The following KDM4B variants were observed in gnomAD, a reference collection of about 807,000 sequenced individuals.
KDM4B encodes lysine-specific demethylase 4B.
In KDM4B, 32 loss-of-function variants were observed where a neutral mutation model predicts 125.2. That is an observed-to-expected ratio of 0.26 (90% confidence interval 0.19 to 0.34). The LOEUF (loss-of-function observed/expected upper bound fraction) is 0.34. KDM4B is among the 10% of genes least tolerant of loss of function. The probability of loss-of-function intolerance (pLI) is 1.00; values close to 1 mark genes in which losing one functional copy is unlikely to be tolerated. For synonymous variants in KDM4B, 721 were observed against 677.9 expected (o/e 1.06, Z -0.99); for missense variants, 1,190 against 1,577.7 (o/e 0.75, Z 4.16).
chr19:5,049,737 T>C (rs1248430523), intron 6 of KDM4B, among the ~76,000 whole-genome samples: 1 of 152,108 alleles, frequency 6.6e-6, no homozygotes, highest in African/African-American at 2.4e-5. Context: ...CAACGTCTAC[T>C]ACGGGCTATC....
Position 5,110,820 on chromosome 19 carries a change from T to G in KDM4B, c.1115+2T>G. On this transcript the variant is annotated splice_donor_variant, in intron 10 of 22. Coordinates refer to ENST00000159111, the MANE Select transcript of KDM4B (RefSeq NM_015015.3). LOFTEE classifies it high-confidence loss of function. ...GCTGAAGGCCAAGCTCCTCCGCAGG[T>G]GAGTTGCCAAGGGACTGCCGCGTGA... 6.4e-7 allele frequency: 1 copy of G among 1,569,514 alleles called. No individual in the cohort carries two copies. The highest frequency in any genetic ancestry group is 8.6e-7 in the Non-Finnish European group (1 of 1,158,624).
Position 5,035,889 on chromosome 19 carries a change from G to GTA in KDM4B, c.141+2858_141+2859insTA, listed in dbSNP as rs1470353515. 9.6e-4 allele frequency among the ~76,000 whole-genome samples: 135 copies of GTA among 140,600 alleles called. No homozygotes were observed. Among genetic ancestry groups the GTA allele is most frequent in the Non-Finnish European group, 1.7e-3 (109 of 63,752 alleles). The allele number at this position is 140,600 out of a possible 152,430, so 92.2% of individuals were successfully genotyped here. A position where few individuals can be genotyped will look rare whatever the true frequency, so the allele number is the denominator to read the frequency against. On this transcript the variant is annotated intron_variant, in intron 3 of 22. Transcript: ENST00000159111. This position sits in a 1 kb window ranked among gnomAD's most constrained non-coding sequence, Gnocchi z 5.3. ...TGTGTGTGTGTGTGTGTGCGCGCGC[G>GTA]CGCGCGCCTGCGCGCACAGGAGACT...
chr19:4,975,996 T>C (rs2034431166), intron 1 of KDM4B, among the ~76,000 whole-genome samples: 1 of 146,778 alleles, frequency 6.8e-6, no homozygotes, highest in Non-Finnish European at 1.5e-5. Context: ...ACGCCTGTAA[T>C]CCCAGCACTT....
At chr19:4,980,954 G>A (rs917949192) in intron 1 of KDM4B, among the ~76,000 whole-genome samples, 2 of 151,994 alleles carry the variant, frequency 1.3e-5, no homozygotes, top group African/African-American at 4.8e-5. Context: ...GGCTGGGGTG[G>A]GCGGGGTCAG....
chr19:5,019,666 TGGCGTGG>T (rs2036026519), intron 2 of KDM4B, among the ~76,000 whole-genome samples: 1 of 144,672 alleles, frequency 6.9e-6, no homozygotes, highest in Non-Finnish European at 1.5e-5. Flanking sequence ...GTGCAGGTGT[TGGCGTGG>T]ATGTTGGTGT....
intron 18 of KDM4B, among the ~76,000 whole-genome samples, chr19:5,139,602 G>A (rs1406359681): frequency 1.3e-5 from 2 of 152,210 alleles, no homozygotes; most frequent in African/African-American, 4.8e-5. Context: ...TGACTTTTTT[G>A]TAGCAGCCGC....
chr19:5,043,746 G>GCA (rs2036920403), intron 5 of KDM4B, among the ~76,000 whole-genome samples: 2 of 145,702 alleles, frequency 1.4e-5, no homozygotes, highest in Non-Finnish European at 3.0e-5. Context: ...TCGGAGTGGG[G>GCA]GTGTCCACTG....
intron 21 of KDM4B, among the ~76,000 whole-genome samples, chr19:5,145,287 T>C (rs891612174): frequency 2.0e-5 from 3 of 151,490 alleles, no homozygotes; most frequent in Admixed American, 6.6e-5. Context: ...TATTTAAAAG[T>C]GTGGAATCTT....
intron 1 of KDM4B, among the ~76,000 whole-genome samples, chr19:4,973,838 A>C (rs1040387062): frequency 4.6e-5 from 7 of 151,860 alleles, no homozygotes; most frequent in Admixed American, 6.6e-5. Context: ...AAAAAAAAAA[A>C]AAAAAAACTG....
At chr19:5,091,733 G>T (rs1299354444) in intron 9 of KDM4B, among the ~76,000 whole-genome samples, 1 of 150,744 alleles carries the variant, frequency 6.6e-6, no homozygotes. Context: ...CCAGGGGGAG[G>T]CGGCAGAAGG....
intron 1 of KDM4B, among the ~76,000 whole-genome samples, chr19:4,977,932 G>A (rs1179529185): frequency 1.3e-5 from 2 of 152,178 alleles, no homozygotes; most frequent in African/African-American, 4.8e-5. Flanking sequence ...CGGGACAGTC[G>A]CGTCATGTTG....
intron 1 of KDM4B, among the ~76,000 whole-genome samples, chr19:4,973,854 G>A (rs1342154036): frequency 6.6e-6 from 1 of 151,872 alleles, no homozygotes; most frequent in Non-Finnish European, 1.5e-5. Context: ...AACTGGCTGG[G>A]TGCGGTGGCT....
At chr19:4,995,738 A>T (rs370977255) in intron 1 of KDM4B, among the ~76,000 whole-genome samples, 1 of 152,228 alleles carries the variant, frequency 6.6e-6, no homozygotes, top group Non-Finnish European at 1.5e-5. Flanking sequence ...GTCCCAGCAC[A>T]GTATCCCAGG....
chr19:5,067,642 G>A lies in KDM4B; in HGVS notation c.627-3368G>A, dbSNP rs2037815821. 2.6e-5 allele frequency among the ~76,000 whole-genome samples: 4 copies of A among 152,010 alleles called. No homozygotes were observed. The South Asian group carries it at 8.3e-4, about 32-fold the overall frequency. On this transcript the variant is annotated intron_variant, in intron 6 of 22. Coordinates refer to ENST00000159111, the MANE Select transcript of KDM4B (RefSeq NM_015015.3). ...GGTGGTGCTGGCATGGGGGAGGGAG[G>A]GGAGGGAGGGAATGCCAGGGGCTTG...
At chr19:5,096,731 A>G (rs1369108338) in intron 9 of KDM4B, among the ~76,000 whole-genome samples, 24 of 134,280 alleles carry the variant, frequency 1.8e-4, no homozygotes, top group Non-Finnish European at 2.8e-4. Flanking sequence ...TGGTGGAGGA[A>G]GTGTCCCGCG....
chr19:5,111,815 A>C (rs1474612713), intron 10 of KDM4B: 1 of 765,090 alleles, frequency 1.3e-6, no homozygotes, highest in African/African-American at 1.7e-5. Context: ...TCCGCATGGC[A>C]ACTCAAGACC....
chr19:5,112,107 G>A (rs781184177), intron 10 of KDM4B: 2 of 398,374 alleles, frequency 5.0e-6, no homozygotes, highest in South Asian at 2.7e-5. Context: ...TTAAAAATCA[G>A]CTGGGTGTGG....
chr19:5,065,101 A>G (rs1371258667), intron 6 of KDM4B, among the ~76,000 whole-genome samples: 1 of 152,216 alleles, frequency 6.6e-6, no homozygotes, highest in Non-Finnish European at 1.5e-5. Flanking sequence ...CAGTGCCCAC[A>G]GGCGAAGCAG....
chr19:5,019,699 G>A (rs2036029979), intron 2 of KDM4B, among the ~76,000 whole-genome samples: 1 of 148,392 alleles, frequency 6.7e-6, no homozygotes, highest in Admixed American at 6.7e-5. Context: ...TGTTGGTGTG[G>A]GTGTTGGTGT....
Sources: gnomAD v4.1 joint callset for allele counts (sites outside exome capture counted in the v4.1 genomes callset) on GRCh38, gnomAD v4.1.1 for gene constraint, Gnocchi (gnomAD v3.1) non-coding constraint, MANE v1.5 for transcripts, NCBI Gene and HGNC (gene_info 2026-07-23, HGNC 2026-07-21) for gene names.